Variants in GMDS observed in about 807,000 individuals in gnomAD.
GMDS encodes GDP-mannose 4,6-dehydratase, also known as GDP-mannose 4,6 dehydratase.
Under a neutral mutation model 49.9 loss-of-function variants are expected in GMDS, and 20 were observed. The ratio of observed to expected loss-of-function variants is 0.40; its 90% CI spans 0.28 to 0.58. GMDS has a LOEUF of 0.58. Ranked by LOEUF, GMDS falls within the 20% of genes least tolerant of loss-of-function variation. The pLI is 0.42. For synonymous variants in GMDS, 177 were observed against 178.6 expected, an observed-to-expected ratio of 0.99 and a Z score of 0.07; for missense variants, 362 against 481.4, an observed-to-expected ratio of 0.75 and a Z score of 2.32.
intron 1 of GMDS, among the ~76,000 whole-genome samples, chr6:2,223,060 G>C (rs1780662674): frequency 6.6e-6 from 1 of 151,800 alleles, no homozygotes; most frequent in African/African-American, 2.4e-5. Context: ...GCAAATCTCA[G>C]ACTTGCCAGC....
intron 9 of GMDS, among the ~76,000 whole-genome samples, chr6:1,684,699 T>C (rs1764911783): frequency 6.6e-6 from 1 of 152,170 alleles, no homozygotes; most frequent in African/African-American, 2.4e-5. Context: ...AGCGAGCTTT[T>C]TGCTGGGGCT....
chr6:1,853,483 A>G (rs1581258744), intron 7 of GMDS, among the ~76,000 whole-genome samples: 1 of 138,532 alleles, frequency 7.2e-6, no homozygotes, highest in Admixed American at 8.0e-5. Flanking sequence ...GCGCCACTGC[A>G]CTCCAGCCTG....
At chr6:2,158,968 G>A (rs1777245273) in intron 1 of GMDS, among the ~76,000 whole-genome samples, 1 of 152,138 alleles carries the variant, frequency 6.6e-6, no homozygotes, top group Admixed American at 6.5e-5. Context: ...AGAAATCACT[G>A]AACATTAGGT....
chr6:2,202,071 G>A (rs1362672306), intron 1 of GMDS, among the ~76,000 whole-genome samples: 1 of 145,326 alleles, frequency 6.9e-6, no homozygotes, highest in Non-Finnish European at 1.5e-5. Flanking sequence ...GCAGAGAGGT[G>A]AAGGATGAAG....
At chr6:2,106,689 C>G (rs948402514) in intron 4 of GMDS, among the ~76,000 whole-genome samples, 1 of 151,896 alleles carries the variant, frequency 6.6e-6, no homozygotes, top group Admixed American at 6.6e-5. Flanking sequence ...ATGGTGAAAC[C>G]CTGTCTCTAC....
chr6:2,119,884 A>G (rs909738141), intron 2 of GMDS, among the ~76,000 whole-genome samples: 2 of 152,232 alleles, frequency 1.3e-5, no homozygotes, highest in Non-Finnish European at 2.9e-5. Context: ...GAAAATTTCA[A>G]GTTCTTTCCA....
chr6:1,683,972 G>A (rs60102612), intron 9 of GMDS, among the ~76,000 whole-genome samples: 70 of 63,692 alleles, frequency 1.1e-3, no homozygotes, highest in East Asian at 1.5e-3. Context: ...CCATCGGTAG[G>A]CCTGGATCCG....
At chr6:2,174,019 T>C (rs986766435) in intron 1 of GMDS, among the ~76,000 whole-genome samples, 13 of 152,262 alleles carry the variant, frequency 8.5e-5, no homozygotes, top group African/African-American at 3.1e-4. Flanking sequence ...CCCAATACAT[T>C]ATAATTATTG....
chr6:1,911,385 G>T (rs1156308087), intron 7 of GMDS, among the ~76,000 whole-genome samples: 2 of 152,144 alleles, frequency 1.3e-5, no homozygotes, highest in Non-Finnish European at 2.9e-5. Context: ...CTCTGGGTTT[G>T]GGGAATGTTT....
chr6:1,696,252 A>G (rs567473053), intron 9 of GMDS, among the ~76,000 whole-genome samples: 2 of 152,332 alleles, frequency 1.3e-5, no homozygotes, highest in Admixed American at 1.3e-4. Context: ...CCACACACCT[A>G]TAATCTGTGA....
intron 4 of GMDS, among the ~76,000 whole-genome samples, chr6:2,087,214 G>T (rs565838292): frequency 6.6e-6 from 1 of 152,324 alleles, no homozygotes; most frequent in African/African-American, 2.4e-5. Context: ...AAGGAAAGCT[G>T]TCATGATTCA....
At chr6:1,957,711 T>C (rs1022391764) in intron 6 of GMDS, among the ~76,000 whole-genome samples, 6 of 152,240 alleles carry the variant, frequency 3.9e-5, no homozygotes, top group Admixed American at 6.5e-5. Flanking sequence ...GGTCTGAGGA[T>C]AGGGCTGGCA....
chr6:1,690,652 C>T (rs919590719), intron 9 of GMDS, among the ~76,000 whole-genome samples: 2 of 150,338 alleles, frequency 1.3e-5, no homozygotes, highest in African/African-American at 4.9e-5. Context: ...GGAACCTAAA[C>T]AAATTTACAA....
At chr6:1,726,950 T>G (rs1270577525) in intron 8 of GMDS, among the ~76,000 whole-genome samples, 1 of 152,098 alleles carries the variant, frequency 6.6e-6, no homozygotes, top group Admixed American at 6.6e-5. Flanking sequence ...TTTAGGGATA[T>G]TCAGAGTTAA....
intron 9 of GMDS, among the ~76,000 whole-genome samples, chr6:1,688,021 T>C (rs1765043278): frequency 6.6e-6 from 1 of 152,226 alleles, no homozygotes; most frequent in South Asian, 2.1e-4. Flanking sequence ...CAATGGGCTG[T>C]AGGAGGGCAA....
chr6:2,107,986 A>T (rs1456789639), intron 4 of GMDS, among the ~76,000 whole-genome samples: 2 of 152,230 alleles, frequency 1.3e-5, no homozygotes, highest in Non-Finnish European at 2.9e-5. Context: ...GCACATCTAA[A>T]AATTACATAA....
chr6:2,085,674 G>A lies in GMDS; in HGVS notation c.345+30097C>T, dbSNP rs143437005. 6.8e-3 allele frequency among the ~76,000 whole-genome samples: 1,034 copies of A among 152,100 alleles called. 10 individuals are homozygous for A. The highest frequency in any genetic ancestry group is 0.024 in the African/African-American group (983 of 41,470). The stretch of plus-strand genomic sequence containing the variant: ...CCTCCAAGTAACTGGGACTACAGGC[G>A]CTCACCACCACACCGGCTAATTTTT... On this transcript the variant is annotated intron_variant, in intron 4 of 10. Coordinates refer to ENST00000380815, the MANE Select transcript of GMDS (RefSeq NM_001500.4).
chr6:1,666,368 A>T (rs1764239911), intron 9 of GMDS, among the ~76,000 whole-genome samples: 1 of 152,096 alleles, frequency 6.6e-6, no homozygotes, highest in African/African-American at 2.4e-5. Context: ...AAGACCAAGA[A>T]TATTTCTTAT....
At chr6:1,898,006 TACCCTGGCCTCCCTTGCC>T (rs1760295693) in intron 7 of GMDS, among the ~76,000 whole-genome samples, 2 of 123,214 alleles carry the variant, frequency 1.6e-5, no homozygotes, top group East Asian at 2.6e-4. Context: ...CCTGGACACC[TACCCTGGCCTCCCTTGCC>T]ATCCTGGACA....
Sources: allele counts gnomAD v4.1 joint callset (sites outside exome capture counted in the v4.1 genomes callset), GRCh38; gene constraint gnomAD v4.1.1; transcripts MANE v1.5; gene names NCBI Gene and HGNC (gene_info 2026-07-23, HGNC 2026-07-21).